DLGAP3: variants seen among roughly 807,000 people sequenced by gnomAD.
DLGAP3 encodes the protein disks large-associated protein 3.
DLGAP3 carries 17 observed loss-of-function variants against 81.2 expected under a neutral mutation model. The ratio of observed to expected loss-of-function variants is 0.21; its 90% CI spans 0.14 to 0.31. The LOEUF (loss-of-function observed/expected upper bound fraction) is 0.31. Among genes scored for constraint, DLGAP3 ranks in the 10% least tolerant of loss-of-function variants. DLGAP3 has a pLI of 1.00. For missense variants in DLGAP3, 1,124 were observed against 1,388.0 expected (o/e 0.81, Z 3.02); for synonymous variants, 577 against 587.4 (o/e 0.98, Z 0.26).
intron 5 of DLGAP3, among the ~76,000 whole-genome samples, chr1:34,890,223 T>C (rs1347789487): frequency 6.6e-6 from 1 of 152,136 alleles, no homozygotes; most frequent in Admixed American, 6.5e-5. Flanking sequence ...AAATTAAAAA[T>C]TAGCATAAAA....
rs754557551 is a variant in DLGAP3, at chr1:34,885,679, C to A, written c.1713G>T (p.Ala571=). 7.1e-7 allele frequency: 1 copy of A among 1,406,560 alleles called. No homozygotes were observed. 87.1% of individuals were successfully genotyped at this position (1,406,560 alleles called of 1,614,324 possible). The change falls in exon 7 of 12, where the codon GCG becomes GCT. Residue 571 remains alanine, a synonymous_variant. Coordinates refer to ENST00000373347, the MANE Select transcript of DLGAP3 (RefSeq NM_001080418.3). ...TGCAGCGCCGGGCGGGGCCCTCGGC[C>A]GCCGTGAAGCTCTCGTGCGCGGAGT... ...STDSAHESFT[A]AEGPARRCSS...
intron 5 of DLGAP3, among the ~76,000 whole-genome samples, chr1:34,898,002 G>A (rs1450614153): frequency 6.6e-6 from 1 of 152,214 alleles, no homozygotes; most frequent in Admixed American, 6.5e-5. Context: ...CCAGGGGCGG[G>A]AGGGGATTGT....
intron 8 of DLGAP3, among the ~76,000 whole-genome samples, chr1:34,883,068 T>G (rs1229699744): frequency 6.6e-6 from 1 of 152,230 alleles, no homozygotes; most frequent in Non-Finnish European, 1.5e-5. Flanking sequence ...TCTTATCTCC[T>G]CCTTTTTCTT....
intron 8 of DLGAP3, among the ~76,000 whole-genome samples, chr1:34,877,014 T>C (rs1639068593): frequency 6.6e-6 from 1 of 152,168 alleles, no homozygotes; most frequent in South Asian, 2.1e-4. Flanking sequence ...ATCAAAAAGG[T>C]GTTTTTGCTA....
At position 34,921,181 on chromosome 1, in the gene DLGAP3, G is replaced by A. The variant is rs189021301; in HGVS notation, c.-135+8270C>T. Among the ~76,000 whole-genome samples the A allele has an allele frequency of 3.9e-4, 59 of 152,288 alleles. No homozygotes were observed. In the Middle Eastern group the frequency reaches 0.01, roughly 26 times the overall value. On this transcript the variant is annotated intron_variant, in intron 1 of 11. Transcript: ENST00000373347. ...GGGGCTTTGCACACGTAGCACTCAC[G>A]TTGCTCAGGACGCACTACACTTTGG...
At position 34,885,669 on chromosome 1, in the gene DLGAP3, G is replaced by A. The variant is rs1342192344; in HGVS notation, c.1723C>T (p.Pro575Ser). Residue 575 changes from proline to serine, a missense_variant, in exon 7 of 12, where the codon CCC (proline) becomes TCC (serine). Transcript: ENST00000373347. ...TCGGCGGAGCTGCAGCGCCGGGCGG[G>A]GCCCTCGGCCGCCGTGAAGCTCTCG... ...AHESFTAAEGPARRCSSADGL... is the reference protein window; with the variant it reads ...AHESFTAAEGSARRCSSADGL... The A allele has an allele frequency of 2.1e-6, 3 of 1,409,626 alleles. No individual in the cohort carries two copies. Among genetic ancestry groups the A allele is most frequent in the Non-Finnish European group, 1.8e-6 (2 of 1,090,856 alleles). 87.3% of individuals were successfully genotyped at this position (1,409,626 alleles called of 1,614,324 possible).
intron 1 of DLGAP3, among the ~76,000 whole-genome samples, chr1:34,909,887 T>C (rs1009012818): frequency 6.6e-6 from 1 of 152,214 alleles, no homozygotes; most frequent in African/African-American, 2.4e-5. Context: ...GTTGGCTGAC[T>C]CGCTAAAATT....
At chr1:34,878,655 T>C (rs553008302) in intron 8 of DLGAP3, among the ~76,000 whole-genome samples, 6 of 152,320 alleles carry the variant, frequency 3.9e-5, no homozygotes, top group Admixed American at 2.0e-4. Flanking sequence ...CTCTCAGAAC[T>C]GATAGATCAA....
chr1:34,895,111 TAATCCCAG>T lies in DLGAP3; in HGVS notation c.1386+4550_1386+4557del, dbSNP rs1285078917. On this transcript the variant is annotated intron_variant, in intron 5 of 11. Transcript: ENST00000373347. The surrounding 1 kb of genome is among the most constrained non-coding windows in gnomAD (Gnocchi z 4.5). ...GGCCAGGAGCATTGGCTCATGCCTG[TAATCCCAG>T]AACTTTGGGAGGCCAAGGCAGGCGG... 6.6e-6 allele frequency among the ~76,000 whole-genome samples: 1 copy of T among 152,206 alleles called. No homozygotes were observed. The highest frequency in any genetic ancestry group is 2.4e-5 in the African/African-American group (1 of 41,456).
rs560163223 is a variant in DLGAP3 at position 34,876,122 on chromosome 1, C to G, written c.2001-7033G>C. Among the ~76,000 whole-genome samples the G allele has an allele frequency of 2.0e-5, 3 of 152,156 alleles. No individual in the cohort carries two copies. In the South Asian group the frequency reaches 6.2e-4, roughly 32 times the overall value. On this transcript the variant is annotated intron_variant, in intron 8 of 11. Coordinates refer to ENST00000373347, the MANE Select transcript of DLGAP3 (RefSeq NM_001080418.3). ...CAGTGTTTGGCAAATAATACAGATC[C>G]AATAAATATCTGTGGACAGATGAAT...
chr1:34,886,035 G>A (rs949998017), intron 6 of DLGAP3, 37 bp downstream of exon 6: 10 of 1,560,070 alleles, frequency 6.4e-6, no homozygotes, highest in Non-Finnish European at 8.7e-6. Flanking sequence ...GCGCTCTCCT[G>A]CCTAGGGCCG....
intron 5 of DLGAP3, among the ~76,000 whole-genome samples, chr1:34,887,101 C>A (rs1639246198): frequency 6.6e-6 from 1 of 151,814 alleles, no homozygotes; most frequent in Admixed American, 6.6e-5. Flanking sequence ...ACTACAGGTG[C>A]CTGCCACGAC....
intron 5 of DLGAP3, among the ~76,000 whole-genome samples, chr1:34,892,283 G>A (rs769823346): frequency 4.1e-4 from 62 of 152,238 alleles, no homozygotes; most frequent in Admixed American, 2.6e-3. Context: ...AGATGGATCT[G>A]TATAAATTAT....
rs1638910359 is a variant in DLGAP3, at chr1:34,867,863, G to A, written c.2486-236C>T. Among the ~76,000 whole-genome samples, 2 of 151,916 alleles carry A rather than the reference G, an allele frequency of 1.3e-5. No individual in the cohort carries two copies. On this transcript the variant is annotated intron_variant, in intron 9 of 11. Transcript: ENST00000373347. This position sits in a 1 kb window ranked among gnomAD's most constrained non-coding sequence, Gnocchi z 4.3. ...CCTTCATACAGCCTACATTTCTTGAGTGCTCATCCTTCTTTATCCTTTCTC... is the reference window on the plus strand; with the variant it reads ...CCTTCATACAGCCTACATTTCTTGAATGCTCATCCTTCTTTATCCTTTCTC...
At chr1:34,908,745 C>A (rs1931058) in intron 1 of DLGAP3, among the ~76,000 whole-genome samples, 26,097 of 152,056 alleles carry the variant, frequency 0.17, 2,349 homozygotes, top group Middle Eastern at 0.24. Flanking sequence ...CCATAGAGGA[C>A]AAGGTGAGAC....
chr1:34,867,221 A>G lies in DLGAP3; in HGVS notation c.2578-30T>C. 1 of 1,613,776 alleles carries G rather than the reference A, an allele frequency of 6.2e-7. No homozygotes were observed. Among genetic ancestry groups the G allele is most frequent in the Non-Finnish European group, 8.5e-7 (1 of 1,179,894 alleles). On this transcript the variant is annotated intron_variant, in intron 10 of 11. Coordinates refer to ENST00000373347, the MANE Select transcript of DLGAP3 (RefSeq NM_001080418.3). This position sits in a 1 kb window ranked among gnomAD's most constrained non-coding sequence, Gnocchi z 4.3. ...AACAGAGGAAGATGGAGGGAAAGTG[A>G]TTGGTCAAGGAGGTCTGAGCCCCAG... is the stretch of plus-strand genomic sequence containing the variant.
intron 8 of DLGAP3, among the ~76,000 whole-genome samples, chr1:34,869,811 T>C (rs1397988227): frequency 6.6e-6 from 1 of 152,236 alleles, no homozygotes; most frequent in Non-Finnish European, 1.5e-5. Context: ...TCTATGTCTA[T>C]GCTAGTTTAC....
rs768353448 is a variant in DLGAP3 at position 34,873,096 on chromosome 1, A to G, written c.2001-4007T>C. Among the ~76,000 whole-genome samples, 2 of 152,222 alleles carry G rather than the reference A, an allele frequency of 1.3e-5. No individual in the cohort carries two copies. The highest frequency in any genetic ancestry group is 2.4e-5 in the African/African-American group (1 of 41,442). On this transcript the variant is annotated intron_variant, in intron 8 of 11. Coordinates refer to ENST00000373347, the MANE Select transcript of DLGAP3 (RefSeq NM_001080418.3). This position sits in a 1 kb window ranked among gnomAD's most constrained non-coding sequence, Gnocchi z 4.2. Reference sequence around the variant, plus strand: ...CACTTTCCATGAATAAACATGCTCAATCCTCACAAACAGTCCCACTCTATG... The same window carrying G: ...CACTTTCCATGAATAAACATGCTCAGTCCTCACAAACAGTCCCACTCTATG...
Position 34,907,703 on chromosome 1 carries a change from G to GT in DLGAP3, c.-134-267dup, listed in dbSNP as rs375388208. On this transcript the variant is annotated intron_variant, in intron 1 of 11. Coordinates refer to ENST00000373347, the MANE Select transcript of DLGAP3 (RefSeq NM_001080418.3). ...GTCCATGGTGCTGAGCCACTGCGTT[G>GT]TTTTTTCTTTTTTTTTCCATTGCCC... Among the ~76,000 whole-genome samples the GT allele has an allele frequency of 8.0e-4, 122 of 152,184 alleles. 1 individual carries two copies. The highest frequency in any genetic ancestry group is 2.7e-3 in the African/African-American group (110 of 41,502).
Sources: gnomAD v4.1 joint callset for allele counts (sites outside exome capture counted in the v4.1 genomes callset) on GRCh38, gnomAD v4.1.1 for gene constraint, Gnocchi (gnomAD v3.1) non-coding constraint, MANE v1.5 for transcripts, NCBI Gene and HGNC (gene_info 2026-07-23, HGNC 2026-07-21) for gene names.